The following PDLIM4 variants were observed in gnomAD, a reference collection of about 807,000 sequenced individuals.
PDLIM4 encodes the protein PDZ and LIM domain 4, also known as PDZ and LIM domain protein 4.
A neutral mutation model predicts 31.3 loss-of-function variants in PDLIM4; 19 were observed. That is an observed-to-expected ratio of 0.61 (90% CI 0.42 to 0.89). The LOEUF (loss-of-function observed/expected upper bound fraction) is 0.89, where lower values mean the gene tolerates loss of function less well. PDLIM4 is among the 40% of genes least tolerant of loss of function. The pLI, the probability that PDLIM4 is intolerant of heterozygous loss-of-function variation, is 0.00. For missense variants in PDLIM4, 442 were observed against 461.1 expected (o/e 0.96, Z 0.38); for synonymous variants, 176 against 190.1 (o/e 0.93, Z 0.61).
intron 2 of PDLIM4, among the ~76,000 whole-genome samples, chr5:132,264,332 A>G (rs1328376641): frequency 6.6e-6 from 1 of 152,186 alleles, no homozygotes; most frequent in Non-Finnish European, 1.5e-5. Context: ...TTTCAGCCCC[A>G]AAATGTCACT....
At chr5:132,263,012 T>C (rs10463892) in intron 2 of PDLIM4, among the ~76,000 whole-genome samples, 69,296 of 152,094 alleles carry the variant, frequency 0.46, 16,830 homozygotes, top group Non-Finnish European at 0.55. Flanking sequence ...ATGGCAAGTG[T>C]TGCAGGCAAC....
intron 2 of PDLIM4, among the ~76,000 whole-genome samples, chr5:132,263,722 C>T (rs961914636): frequency 6.6e-6 from 1 of 152,226 alleles, no homozygotes; most frequent in Non-Finnish European, 1.5e-5. Flanking sequence ...CCTCCCCAAA[C>T]CACAACACAG....
chr5:132,268,110 C>G (rs913855239), intron 3 of PDLIM4, among the ~76,000 whole-genome samples: 3 of 152,172 alleles, frequency 2.0e-5, no homozygotes, highest in South Asian at 4.1e-4. Context: ...CCCCTGCCCC[C>G]ACACTTGTTC....
At chr5:132,261,065 C>G (rs1580797445) in intron 1 of PDLIM4, among the ~76,000 whole-genome samples, 2 of 152,352 alleles carry the variant, frequency 1.3e-5, no homozygotes, top group South Asian at 4.1e-4. Flanking sequence ...GGGATGAGAA[C>G]AGCCTCTGCC....
At chr5:132,267,990 C>G (rs1217788981) in intron 3 of PDLIM4, among the ~76,000 whole-genome samples, 1 of 152,148 alleles carries the variant, frequency 6.6e-6, no homozygotes, top group Non-Finnish European at 1.5e-5. Flanking sequence ...TGAGGCCCAG[C>G]CTCCCTCAGA....
chr5:132,264,050 C>T (rs1447365551), intron 2 of PDLIM4, among the ~76,000 whole-genome samples: 1 of 152,232 alleles, frequency 6.6e-6, no homozygotes, highest in Admixed American at 6.5e-5. Context: ...GAAGCTTCCC[C>T]ACTTGGCTGG....
In PDLIM4 at chr5:132,271,833, C is replaced by A. The variant is rs1267355455; in HGVS notation, c.713C>A (p.Thr238Lys). ...GPGGPRNLKP[T>K]ASKLGAPLSG... ...GGCGGCCCCCGGAACCTCAAGCCCACGGCCAGCAAGCTGGGCGCTCCGCTG... is the reference window on the plus strand; with the variant it reads ...GGCGGCCCCCGGAACCTCAAGCCCAAGGCCAGCAAGCTGGGCGCTCCGCTG... Residue 238 changes from threonine (T) to lysine (K), a missense_variant, in exon 6 of 7, where the codon ACG (threonine) becomes AAG (lysine). Thr to Lys is a moderately conservative substitution (Grantham distance 78). Coordinates refer to ENST00000253754, the MANE Select transcript of PDLIM4 (RefSeq NM_003687.4). 6.2e-7 allele frequency: 1 copy of A among 1,612,672 alleles called. No homozygotes were observed. The highest frequency in any genetic ancestry group is 8.5e-7 in the Non-Finnish European group (1 of 1,179,540).
chr5:132,260,567 T>C (rs1261100148), intron 1 of PDLIM4, among the ~76,000 whole-genome samples: 6 of 152,222 alleles, frequency 3.9e-5, no homozygotes, highest in Admixed American at 3.3e-4. Flanking sequence ...ATGCTGGTCC[T>C]TCTGCCTGGA....
chr5:132,266,575 G>A (rs1296476784), intron 3 of PDLIM4, 30 bp downstream of exon 3: 2 of 1,509,926 alleles, frequency 1.3e-6, no homozygotes, highest in Non-Finnish European at 1.8e-6. Flanking sequence ...GGCCTGGCCT[G>A]GCTCAGAGTG....
intron 3 of PDLIM4, chr5:132,270,485 C>A: frequency 4.7e-6 from 1 of 211,240 alleles, no homozygotes; most frequent in African/African-American, 2.3e-5. Context: ...ACCCAGTACC[C>A]ACCACAGTTC....
At chr5:132,264,458 A>G (rs1254639021) in intron 2 of PDLIM4, among the ~76,000 whole-genome samples, 2 of 152,196 alleles carry the variant, frequency 1.3e-5, no homozygotes, top group Non-Finnish European at 2.9e-5. Context: ...TGTGCTCCAG[A>G]AAGTGATTTA....
Position 132,262,738 on chromosome 5 carries a change from C to CACCTCACA in PDLIM4, c.224_231dup (p.Leu78ThrfsTer6). 6.2e-7 allele frequency: 1 copy of CACCTCACA among 1,613,796 alleles called. No individual in the cohort carries two copies. The highest frequency in any genetic ancestry group is 8.5e-7 in the Non-Finnish European group (1 of 1,179,808). Reference sequence around the variant, plus strand: ...GAACCGCATCAAGGGCTGCCACGATCACCTCACACTGTCTGTGAGCAGGTA... The same window carrying CACCTCACA: ...GAACCGCATCAAGGGCTGCCACGATCACCTCACAACCTCACACTGTCTGTGAGCAGGTA... On this transcript the variant is annotated frameshift_variant, in exon 2 of 7. Coordinates refer to ENST00000253754, the MANE Select transcript of PDLIM4 (RefSeq NM_003687.4). LOFTEE classifies it high-confidence loss of function.
intron 1 of PDLIM4, among the ~76,000 whole-genome samples, chr5:132,261,819 C>G (rs1756382208): frequency 6.6e-6 from 1 of 152,122 alleles, no homozygotes; most frequent in Non-Finnish European, 1.5e-5. Flanking sequence ...TCAGCTGGAA[C>G]TGGATGGCCC....
chr5:132,264,233 C>A (rs1302077568), intron 2 of PDLIM4, among the ~76,000 whole-genome samples: 1 of 151,968 alleles, frequency 6.6e-6, no homozygotes, highest in African/African-American at 2.4e-5. Flanking sequence ...CTCCTTCTTT[C>A]CTTCCTTCCT....
rs767534705 is a variant in PDLIM4 at position 132,271,457 on chromosome 5, G to T, written c.661G>T (p.Gly221Cys). 1.9e-6 allele frequency: 3 copies of T among 1,608,376 alleles called. No homozygotes were observed. The South Asian group carries it at 3.3e-5, about 18-fold the overall frequency. The change falls in exon 5 of 7, where the codon GGC becomes TGC. Residue 221 changes from glycine (G) to cysteine (C), a missense_variant. Gly to Cys is a radical substitution (Grantham distance 159). Transcript: ENST00000253754. ...FRYLQGMLEA[G>C]EGGDWPGPGG... is the part of the protein sequence containing the mutation. ...CTACTTGCAGGGCATGCTAGAGGCCGGCGAGGGCGGTAAGACGCCTGCCAC... is the reference window on the plus strand; with the variant it reads ...CTACTTGCAGGGCATGCTAGAGGCCTGCGAGGGCGGTAAGACGCCTGCCAC...
rs960255462 is a variant in PDLIM4, at chr5:132,273,301, T to G, written c.*1072T>G. Reference sequence around the variant, plus strand: ...CGTACATTTGTGCTGTTTTCAATTTTGTGCTATCGCAAATCACAAAAAAAC... The same window carrying G: ...CGTACATTTGTGCTGTTTTCAATTTGGTGCTATCGCAAATCACAAAAAAAC... On this transcript the variant is annotated 3_prime_UTR_variant, in exon 7 of 7. Coordinates refer to ENST00000253754, the MANE Select transcript of PDLIM4 (RefSeq NM_003687.4). The G allele has an allele frequency of 6.6e-6, 1 of 152,260 alleles. No homozygotes were observed. The highest frequency in any genetic ancestry group is 2.4e-5 in the African/African-American group (1 of 41,458). 9.4% of individuals were successfully genotyped at this position (152,260 alleles called of 1,614,324 possible).
intron 2 of PDLIM4, among the ~76,000 whole-genome samples, chr5:132,265,808 G>A (rs543273180): frequency 8.5e-5 from 13 of 152,302 alleles, no homozygotes; most frequent in African/African-American, 2.6e-4. Context: ...CCTTAGGCAC[G>A]TAGCCTCTCG....
intron 2 of PDLIM4, 93 bp downstream of exon 2, chr5:132,262,853 C>A: frequency 8.2e-7 from 1 of 1,222,458 alleles, no homozygotes; most frequent in Non-Finnish European, 1.1e-6. Context: ...TTCACACAGC[C>A]TCTCTGCCTC....
intron 2 of PDLIM4, among the ~76,000 whole-genome samples, chr5:132,264,575 C>G (rs1187838191): frequency 1.0e-5 from 1 of 100,466 alleles, no homozygotes; most frequent in Non-Finnish European, 2.1e-5. Flanking sequence ...AAACCTGAGT[C>G]CTGCCCTGCA....
Sources: allele counts gnomAD v4.1 joint callset (sites outside exome capture counted in the v4.1 genomes callset), GRCh38; gene constraint gnomAD v4.1.1; transcripts MANE v1.5; gene names NCBI Gene and HGNC (gene_info 2026-07-23, HGNC 2026-07-21).